RNPC3: variants seen among roughly 807,000 people sequenced by gnomAD.
The protein encoded by RNPC3 is RNA binding region (RNP1, RRM) containing 3.
RNPC3 carries 48 observed loss-of-function variants against 67.5 expected under a neutral mutation model. The ratio of observed to expected loss-of-function variants is 0.71; its 90% CI spans 0.56 to 0.90. The LOEUF is 0.90. RNPC3 is among the 40% of genes least tolerant of loss of function. The probability of loss-of-function intolerance (pLI) is 0.00; values close to 1 mark genes in which losing one functional copy is unlikely to be tolerated. For synonymous variants in RNPC3, 239 were observed against 210.3 expected (o/e 1.14, Z -1.18); for missense variants, 637 against 626.1 (o/e 1.02, Z -0.19).
intron 2 of RNPC3, 60 bp downstream of exon 2, chr1:103,527,802 C>A: frequency 8.1e-7 from 1 of 1,237,650 alleles, no homozygotes; most frequent in Non-Finnish European, 1.1e-6. Context: ...AATCTTGGTT[C>A]AGATAATGTT....
At chr1:103,549,335 T>G (rs1243995883) in intron 12 of RNPC3, among the ~76,000 whole-genome samples, 1 of 152,228 alleles carries the variant, frequency 6.6e-6, no homozygotes, top group Admixed American at 6.5e-5. Context: ...TTACAAATCT[T>G]ATCTGGCCTA....
intron 7 of RNPC3, among the ~76,000 whole-genome samples, chr1:103,537,809 A>G (rs1570619954): frequency 6.6e-6 from 1 of 152,092 alleles, no homozygotes; most frequent in Non-Finnish European, 1.5e-5. Flanking sequence ...TGTGACTTCA[A>G]AATCAATAAT....
intron 14 of RNPC3, chr1:103,552,179 G>A (rs757409631): frequency 2.2e-4 from 34 of 153,684 alleles, no homozygotes; most frequent in Non-Finnish European, 4.3e-4. Context: ...GGGACCTAGG[G>A]AAACTGTTTA....
chr1:103,529,878 A>G (rs555305042), intron 2 of RNPC3, among the ~76,000 whole-genome samples: 7 of 152,174 alleles, frequency 4.6e-5, no homozygotes, highest in African/African-American at 1.7e-4. Context: ...AGGAAGCTTT[A>G]TCTCTATTCA....
At chr1:103,527,255 A>C (rs2101040600) in intron 1 of RNPC3, among the ~76,000 whole-genome samples, 1 of 152,222 alleles carries the variant, frequency 6.6e-6, no homozygotes, top group East Asian at 1.9e-4. Context: ...ACATTATTAC[A>C]AAGATAAAGC....
In RNPC3 at chr1:103,544,914, T is replaced by C. The variant is rs762896159; in HGVS notation, c.1046-27T>C. On this transcript the variant is annotated intron_variant, in intron 9 of 14. Transcript: ENST00000423855. ...CTATTTTTAAAGGAGAGATTCTTAATGGTTAATGTTAATATTGAACTCTTA... is the reference window on the plus strand; with the variant it reads ...CTATTTTTAAAGGAGAGATTCTTAACGGTTAATGTTAATATTGAACTCTTA... 80 of 1,423,920 alleles carry C rather than the reference T, an allele frequency of 5.6e-5. No individual in the cohort carries two copies. The South Asian group carries it at 1.0e-3, about 18-fold the overall frequency. The allele number at this position is 1,423,920 out of a possible 1,614,324, so 88.2% of individuals were successfully genotyped here.
intron 2 of RNPC3, among the ~76,000 whole-genome samples, chr1:103,532,259 T>G (rs1401613225): frequency 6.6e-6 from 1 of 152,096 alleles, no homozygotes; most frequent in East Asian, 1.9e-4. Context: ...ACAGGATTTC[T>G]TAATGACTTG....
At chr1:103,553,966 A>G (rs1175814703) in intron 14 of RNPC3, 1 of 152,236 alleles carries the variant, frequency 6.6e-6, no homozygotes, top group African/African-American at 2.4e-5. Flanking sequence ...TGGCAGGTAT[A>G]TAGGAATAGT....
At chr1:103,546,611 G>T in intron 11 of RNPC3, 1 of 322,900 alleles carries the variant, frequency 3.1e-6, no homozygotes, top group Non-Finnish European at 5.6e-6. Flanking sequence ...ACAGAGATGT[G>T]TTGTCTCACA....
chr1:103,544,303 G>A (rs1483701128), intron 9 of RNPC3, among the ~76,000 whole-genome samples: 1 of 151,754 alleles, frequency 6.6e-6, no homozygotes. Context: ...ATGACTTGTT[G>A]AAAGTTTGTT....
In RNPC3 at chr1:103,547,379, G is replaced by A. The variant is rs1651270993; in HGVS notation, c.1361+344G>A. On this transcript the variant is annotated intron_variant, in intron 12 of 14. Transcript: ENST00000423855. ...AAACTCTTTACAGAAACAGGTCGGT[G>A]ATGGATTCCGACCGTAATCTTCCCT... Among the ~76,000 whole-genome samples the A allele has an allele frequency of 1.3e-5, 2 of 152,186 alleles. 1 individual carries two copies. Among genetic ancestry groups the A allele is most frequent in the South Asian group, 4.1e-4 (2 of 4,836 alleles).
chr1:103,535,428 A>G lies in RNPC3; in HGVS notation c.542A>G (p.Lys181Arg). 6.5e-7 allele frequency: 1 copy of G among 1,533,064 alleles called. No homozygotes were observed. The highest frequency in any genetic ancestry group is 8.7e-7 in the Non-Finnish European group (1 of 1,143,372). The allele number at this position is 1,533,064 out of a possible 1,614,324, so 95.0% of individuals were successfully genotyped here. A position where few individuals can be genotyped will look rare whatever the true frequency, so the allele number is the denominator to read the frequency against. ...GTAAATGCCTTGGCAAGCGTGCCTA[A>G]GTTCTATGTACAGGTAAGTAGAATA... ...NIVNALASVP[K>R]FYVQVLHLMN... The change falls in exon 5 of 15, where the codon AAG becomes AGG. Residue 181 changes from lysine (K) to arginine (R), a missense_variant. This residue lies in a region of RNPC3 where 536 missense variants were observed against 500.3 expected (regional missense o/e 1.07). Transcript: ENST00000423855.
At chr1:103,535,527 G>A (rs1240499805) in intron 5 of RNPC3, 86 bp downstream of exon 5, 1 of 798,270 alleles carries the variant, frequency 1.3e-6, no homozygotes, top group African/African-American at 1.7e-5. Context: ...AAAGTAATCA[G>A]ACTAATTCTA....
chr1:103,540,936 T>A (rs536283953), intron 7 of RNPC3, among the ~76,000 whole-genome samples: 2 of 152,180 alleles, frequency 1.3e-5, no homozygotes, highest in Non-Finnish European at 2.9e-5. Context: ...AAATGACATA[T>A]TTCAGTCCAG....
chr1:103,535,982 A>G (rs1650974776), intron 5 of RNPC3, 144 bp from the exon 6 acceptor site: 3 of 605,654 alleles, frequency 5.0e-6, no homozygotes, highest in Non-Finnish European at 5.8e-6. Flanking sequence ...GTTTTACCTT[A>G]TGCAGAGATT....
chr1:103,535,472 CTTG>C (rs1650958363), intron 5 of RNPC3, 31 bp downstream of exon 5: 2 of 1,319,092 alleles, frequency 1.5e-6, no homozygotes, highest in Admixed American at 2.0e-5. Flanking sequence ...CCTAAAAGGA[CTTG>C]TTGTATAGCT....
intron 1 of RNPC3, 52 bp downstream of exon 1, chr1:103,526,314 G>C (rs945996228): frequency 2.8e-6 from 4 of 1,426,290 alleles, no homozygotes; most frequent in East Asian, 2.6e-5. Context: ...GGAAGTGACC[G>C]GGGAGGGGGA....
At chr1:103,526,861 T>C (rs1650726581) in intron 1 of RNPC3, among the ~76,000 whole-genome samples, 1 of 152,196 alleles carries the variant, frequency 6.6e-6, no homozygotes, top group African/African-American at 2.4e-5. Context: ...ATATTTTAGA[T>C]TTCTCTTCAT....
Position 103,536,141 on chromosome 1 carries a change from A to G in RNPC3, c.571A>G (p.Asn191Asp). Residue 191 changes from asparagine to aspartate, a missense_variant, in exon 6 of 15, where the codon AAT becomes GAT. Transcript: ENST00000423855. ...CCACTTTAAGGTCCTTCATCTTATG[A>G]ATAAAATGAATTTGCCCACACCTTT... ...KFYVQVLHLMNKMNLPTPFGP... is the reference protein window; with the variant it reads ...KFYVQVLHLMDKMNLPTPFGP... 6.5e-7 allele frequency: 1 copy of G among 1,534,512 alleles called. No individual in the cohort carries two copies. The highest frequency in any genetic ancestry group is 8.7e-7 in the Non-Finnish European group (1 of 1,144,548).
Sources: gnomAD v4.1 joint callset for allele counts (sites outside exome capture counted in the v4.1 genomes callset) on GRCh38, gnomAD v4.1.1 for gene constraint, gnomAD v4.1.1 regional missense constraint, MANE v1.5 for transcripts, NCBI Gene and HGNC (gene_info 2026-07-23, HGNC 2026-07-21) for gene names.